FHIT: variants seen among roughly 807,000 people sequenced by gnomAD.
FHIT encodes the protein bis(5'-adenosyl)-triphosphatase.
FHIT carries 19 observed loss-of-function variants against 17.9 expected under a neutral mutation model. That is an observed-to-expected ratio of 1.06 (90% confidence interval 0.74 to 1.56). FHIT has a LOEUF of 1.56. FHIT is among the 40% of genes most tolerant of loss of function. FHIT has a pLI of 0.00. For synonymous variants in FHIT, 81 were observed against 69.7 expected, an observed-to-expected ratio of 1.16 and a Z score of -0.81; for missense variants, 248 against 189.2, an observed-to-expected ratio of 1.31 and a Z score of -1.82.
chr3:61,120,448 C>T (rs1019683649), intron 2 of FHIT, among the ~76,000 whole-genome samples: 3 of 152,160 alleles, frequency 2.0e-5, no homozygotes, highest in African/African-American at 7.2e-5. Context: ...TGAGTCTTAA[C>T]CTCAAAAGGT....
intron 4 of FHIT, among the ~76,000 whole-genome samples, chr3:60,740,947 A>G (rs2108008783): frequency 6.6e-6 from 1 of 152,224 alleles, no homozygotes; most frequent in South Asian, 2.1e-4. Flanking sequence ...TTTGAGGCAA[A>G]TGGTTCCTGG....
intron 5 of FHIT, among the ~76,000 whole-genome samples, chr3:60,120,518 G>T (rs1705199161): frequency 6.6e-6 from 1 of 152,150 alleles, no homozygotes; most frequent in Non-Finnish European, 1.5e-5. Flanking sequence ...CCAAACCCAG[G>T]GAAGCAATTT....
intron 5 of FHIT, among the ~76,000 whole-genome samples, chr3:60,459,940 A>G (rs1006605569): frequency 4.6e-5 from 7 of 152,158 alleles, no homozygotes; most frequent in African/African-American, 7.2e-5. Context: ...TAAAAAGGCT[A>G]TGTACATGTA....
chr3:60,572,365 T>C (rs2107665194), intron 4 of FHIT, among the ~76,000 whole-genome samples: 1 of 152,248 alleles, frequency 6.6e-6, no homozygotes, highest in Non-Finnish European at 1.5e-5. Flanking sequence ...CATGTGTAGG[T>C]TAGATTCACT....
chr3:59,959,671 G>A (rs1707572756), intron 7 of FHIT, among the ~76,000 whole-genome samples: 1 of 152,196 alleles, frequency 6.6e-6, no homozygotes, highest in Non-Finnish European at 1.5e-5. Flanking sequence ...TGGGGCAGAG[G>A]TGAGCAAAAC....
rs59589849 is a variant in FHIT at position 59,869,484 on chromosome 3, C to CTTTTTTTTTTTTTTTTTT, written c.348+52861_348+52862insAAAAAAAAAAAAAAAAAA. 4.5e-4 allele frequency among the ~76,000 whole-genome samples: 47 copies of CTTTTTTTTTTTTTTTTTT among 105,442 alleles called. 5 individuals are homozygous for CTTTTTTTTTTTTTTTTTT. The highest frequency in any genetic ancestry group is 6.3e-4 in the Non-Finnish European group (34 of 54,386). The allele number at this position is 105,442 out of a possible 152,430, so 69.2% of individuals were successfully genotyped here. On this transcript the variant is annotated intron_variant, in intron 8 of 9. Transcript: ENST00000492590. ...ATTCCATCTTTCCTTAAAGAACATC[C>CTTTTTTTTTTTTTTTTTT]TTTTTTTTTTTTTTTTAGACAGAGT...
At position 60,152,172 on chromosome 3, in the gene FHIT, T is replaced by C. The variant is rs146818604; in HGVS notation, c.104-138020A>G. On this transcript the variant is annotated intron_variant, in intron 5 of 9. Transcript: ENST00000492590. ...TTGGTTCCCTTTGGTGAAAACCTGA[T>C]AATCAATGAATGGCAAGCATATTTA... Among the ~76,000 whole-genome samples, 200 of 152,276 alleles carry C rather than the reference T, an allele frequency of 1.3e-3. 1 individual carries two copies. The highest frequency in any genetic ancestry group is 4.4e-3 in the African/African-American group (184 of 41,546).
In FHIT at chr3:60,011,278, A is replaced by C. The variant is rs894827044; in HGVS notation, c.279+93T>G. 1.6e-5 allele frequency: 19 copies of C among 1,193,874 alleles called. No individual in the cohort carries two copies. The African/African-American group carries it at 2.8e-4, about 18-fold the overall frequency. 74.0% of individuals were successfully genotyped at this position (1,193,874 alleles called of 1,614,324 possible). On this transcript the variant is annotated intron_variant, in intron 7 of 9. Coordinates refer to ENST00000492590, the MANE Select transcript of FHIT (RefSeq NM_002012.4). ...CTCTGACCTCGAAGATAACATAATG[A>C]AACAGCAATGTGCTGCATATGACTC...
At chr3:61,021,863 T>C (rs2032454845) in intron 3 of FHIT, among the ~76,000 whole-genome samples, 1 of 152,130 alleles carries the variant, frequency 6.6e-6, no homozygotes, top group Non-Finnish European at 1.5e-5. Context: ...GAGGGAAATG[T>C]ATAGCACTAA....
intron 2 of FHIT, among the ~76,000 whole-genome samples, chr3:61,126,028 C>A (rs2036595747): frequency 6.6e-6 from 1 of 152,140 alleles, no homozygotes; most frequent in Non-Finnish European, 1.5e-5. Context: ...TTAGCTAAGT[C>A]TTGTCTTCAA....
intron 2 of FHIT, among the ~76,000 whole-genome samples, chr3:61,069,974 C>A (rs905575007): frequency 6.6e-6 from 1 of 152,024 alleles, no homozygotes; most frequent in African/African-American, 2.4e-5. Flanking sequence ...TGCAGTGGTG[C>A]GATCTCGGCT....
chr3:60,244,302 G>A (rs973146743), intron 5 of FHIT, among the ~76,000 whole-genome samples: 2 of 152,006 alleles, frequency 1.3e-5, no homozygotes, highest in Admixed American at 1.3e-4. Flanking sequence ...AATGTATGGG[G>A]GGAGGGATGG....
intron 7 of FHIT, among the ~76,000 whole-genome samples, chr3:60,009,600 T>C (rs940425533): frequency 1.3e-5 from 2 of 151,900 alleles, no homozygotes; most frequent in Non-Finnish European, 2.9e-5. Context: ...CTAGGCTCAC[T>C]GCTTATTTGT....
chr3:59,760,483 A>G (rs1559579919), intron 8 of FHIT, among the ~76,000 whole-genome samples: 1 of 152,132 alleles, frequency 6.6e-6, no homozygotes, highest in Non-Finnish European at 1.5e-5. Context: ...AGTCTTTGGA[A>G]CATGCTATGT....
rs1318769871 is a variant in FHIT at position 59,916,663 on chromosome 3, T to C, written c.348+5683A>G. ...AGCTCAGTAATAATCTGACATAGGA[T>C]AGGGTAAACCAGATGCTTACCCAGC... On this transcript the variant is annotated intron_variant, in intron 8 of 9. Coordinates refer to ENST00000492590, the MANE Select transcript of FHIT (RefSeq NM_002012.4). Among the ~76,000 whole-genome samples, 10 of 152,296 alleles carry C rather than the reference T, an allele frequency of 6.6e-5. No homozygotes were observed. The East Asian group carries it at 1.7e-3, about 26-fold the overall frequency.
At chr3:59,929,522 C>T (rs1433506093) in intron 7 of FHIT, among the ~76,000 whole-genome samples, 2 of 151,758 alleles carry the variant, frequency 1.3e-5, no homozygotes, top group Non-Finnish European at 2.9e-5. Context: ...AGGAGCACGC[C>T]ACTATGCCCG....
chr3:61,109,917 T>C (rs976932491), intron 2 of FHIT, among the ~76,000 whole-genome samples: 6 of 152,142 alleles, frequency 3.9e-5, no homozygotes, highest in Admixed American at 2.6e-4. Context: ...CATCCAACCA[T>C]ACCATCCATG....
intron 5 of FHIT, among the ~76,000 whole-genome samples, chr3:60,037,570 C>G (rs968318920): frequency 6.6e-6 from 1 of 151,710 alleles, no homozygotes; most frequent in African/African-American, 2.4e-5. Context: ...TTAGTAGAGA[C>G]AGGGTTTCAC....
chr3:61,152,712 G>A (rs2037428663), intron 2 of FHIT, among the ~76,000 whole-genome samples: 1 of 152,080 alleles, frequency 6.6e-6, no homozygotes, highest in South Asian at 2.1e-4. Context: ...AGCCACGAAA[G>A]GACTTCAAAC....
Sources: gnomAD v4.1 joint callset for allele counts (sites outside exome capture counted in the v4.1 genomes callset) on GRCh38, gnomAD v4.1.1 for gene constraint, MANE v1.5 for transcripts, NCBI Gene and HGNC (gene_info 2026-07-23, HGNC 2026-07-21) for gene names.